SPDYA: variants seen among roughly 807,000 people sequenced by gnomAD.
The protein encoded by SPDYA is speedy protein A.
A neutral mutation model predicts 36.7 loss-of-function variants in SPDYA; 11 were observed. That is an observed-to-expected ratio of 0.30 (90% CI 0.19 to 0.50). The LOEUF (loss-of-function observed/expected upper bound fraction) is 0.50, where lower values mean the gene tolerates loss of function less well. SPDYA is among the 20% of genes least tolerant of loss of function. The pLI is 0.98. For missense variants in SPDYA, 287 were observed against 370.9 expected (o/e 0.77, Z 1.86); for synonymous variants, 115 against 118.7 (o/e 0.97, Z 0.20).
chr2:28,826,251 C>T (rs909654259), intron 5 of SPDYA, among the ~76,000 whole-genome samples: 1 of 152,150 alleles, frequency 6.6e-6, no homozygotes, highest in Non-Finnish European at 1.5e-5. Context: ...ATCCTTCCAC[C>T]TCAATCTCCC....
At chr2:28,845,238 AC>A (rs1174111542) in intron 7 of SPDYA, among the ~76,000 whole-genome samples, 1 of 144,112 alleles carries the variant, frequency 6.9e-6, no homozygotes, top group East Asian at 2.1e-4. Flanking sequence ...GGCACGTGCC[AC>A]CATGCCCAGC....
Position 28,822,324 on chromosome 2 carries a change from G to T in SPDYA, c.295-1G>T. Reference sequence around the variant, plus strand: ...TTAATTTTTAACTTTTTTCCTTATAGTATCTTTTGGCTATGACCTTTGTTT... The same window carrying T: ...TTAATTTTTAACTTTTTTCCTTATATTATCTTTTGGCTATGACCTTTGTTT... On this transcript the variant is annotated splice_acceptor_variant, in intron 4 of 7. Coordinates refer to ENST00000334056, the MANE Select transcript of SPDYA (RefSeq NM_182756.4). LOFTEE classifies it high-confidence loss of function. 6.8e-7 allele frequency: 1 copy of T among 1,480,334 alleles called. No homozygotes were observed. Among genetic ancestry groups the T allele is most frequent in the Non-Finnish European group, 9.1e-7 (1 of 1,093,634 alleles). The allele number at this position is 1,480,334 out of a possible 1,614,324, so 91.7% of individuals were successfully genotyped here. A position where few individuals can be genotyped will look rare whatever the true frequency, so the allele number is the denominator to read the frequency against.
intron 4 of SPDYA, among the ~76,000 whole-genome samples, chr2:28,819,604 C>T (rs907331801): frequency 2.0e-5 from 3 of 151,446 alleles, no homozygotes; most frequent in Non-Finnish European, 4.4e-5. Flanking sequence ...CTGGAATTAG[C>T]ATATAGCATA....
At chr2:28,838,178 A>ATTTTTTT (rs61135451) in intron 6 of SPDYA, among the ~76,000 whole-genome samples, 2 of 115,586 alleles carry the variant, frequency 1.7e-5, no homozygotes, top group Admixed American at 9.4e-5. Flanking sequence ...GAAGTAACGG[A>ATTTTTTT]TTTTTTTTTT....
chr2:28,834,806 A>G (rs1210445152), intron 6 of SPDYA, among the ~76,000 whole-genome samples: 1 of 152,200 alleles, frequency 6.6e-6, no homozygotes, highest in African/African-American at 2.4e-5. Context: ...AACTCTGAAT[A>G]TATTGAATAT....
chr2:28,850,521 C>T lies in SPDYA; in HGVS notation c.*580C>T. The stretch of plus-strand genomic sequence containing the variant: ...TGTAAGTTTTTTCTTTATTTATTTC[C>T]TTGCATATGTTTTAGAGCTACTCTG... On this transcript the variant is annotated 3_prime_UTR_variant, in exon 8 of 8. Coordinates refer to ENST00000334056, the MANE Select transcript of SPDYA (RefSeq NM_182756.4). The T allele has an allele frequency of 1.5e-6, 1 of 680,672 alleles. No individual in the cohort carries two copies. Among genetic ancestry groups the T allele is most frequent in the East Asian group, 2.8e-5 (1 of 35,672 alleles). The allele number at this position is 680,672 out of a possible 1,614,324, so 42.2% of individuals were successfully genotyped here.
intron 1 of SPDYA, among the ~76,000 whole-genome samples, chr2:28,813,340 T>C (rs1171044481): frequency 6.6e-6 from 1 of 152,206 alleles, no homozygotes; most frequent in Non-Finnish European, 1.5e-5. Context: ...ATGGTTGTTT[T>C]AATATAAAAG....
At chr2:28,820,861 AT>A (rs1668138909) in intron 4 of SPDYA, among the ~76,000 whole-genome samples, 1 of 152,176 alleles carries the variant, frequency 6.6e-6, no homozygotes, top group African/African-American at 2.4e-5. Flanking sequence ...GGTTTATAAA[AT>A]TTTTTAAATT....
intron 6 of SPDYA, among the ~76,000 whole-genome samples, chr2:28,833,888 C>T (rs142710399): frequency 8.5e-5 from 13 of 152,120 alleles, no homozygotes; most frequent in Admixed American, 7.9e-4. Flanking sequence ...AACCTTTTGT[C>T]CTTCAAAGGA....
intron 1 of SPDYA, among the ~76,000 whole-genome samples, chr2:28,813,493 A>G (rs751670853): frequency 6.6e-6 from 1 of 151,984 alleles, no homozygotes. Flanking sequence ...GTACTATACC[A>G]CTGATAACTC....
At position 28,829,140 on chromosome 2, in the gene SPDYA, T is replaced by C; in HGVS notation, c.381-8T>C. 1 of 1,604,790 alleles carries C rather than the reference T, an allele frequency of 6.2e-7. No homozygotes were observed. The highest frequency in any genetic ancestry group is 8.5e-7 in the Non-Finnish European group (1 of 1,176,862). On this transcript the variant is annotated splice_polypyrimidine_tract_variant and splice_region_variant and intron_variant, in intron 5 of 7. Coordinates refer to ENST00000334056, the MANE Select transcript of SPDYA (RefSeq NM_182756.4). ...ATTTCTTTTTTGGGTTGTGATCTTC[T>C]TTGTTAGGTATCTGGCTAATACAGT... is the stretch of plus-strand genomic sequence containing the variant.
intron 4 of SPDYA, among the ~76,000 whole-genome samples, chr2:28,820,884 A>G (rs1485297374): frequency 2.6e-5 from 4 of 152,158 alleles, no homozygotes; most frequent in Non-Finnish European, 4.4e-5. Flanking sequence ...CATTTTGGAA[A>G]ATTTAAAACA....
rs1363372818 is a variant in SPDYA, at chr2:28,845,404, T to C, written c.851-4446T>C. Among the ~76,000 whole-genome samples the C allele has an allele frequency of 2.6e-5, 4 of 151,952 alleles. No individual in the cohort carries two copies. In the South Asian group the frequency reaches 8.3e-4, roughly 32 times the overall value. ...AATCACTGCACCTGGCCCAAATGCA[T>C]TTTGACTTAATGATATCTTCAAGTT... is the stretch of plus-strand genomic sequence containing the variant. On this transcript the variant is annotated intron_variant, in intron 7 of 7. Coordinates refer to ENST00000334056, the MANE Select transcript of SPDYA (RefSeq NM_182756.4).
At chr2:28,849,494 G>A (rs1340220984) in intron 7 of SPDYA, among the ~76,000 whole-genome samples, 2 of 152,230 alleles carry the variant, frequency 1.3e-5, no homozygotes, top group Non-Finnish European at 2.9e-5. Context: ...GTTTTGCCAT[G>A]TTGGCCAGAC....
At chr2:28,823,306 C>A (rs1261570258) in intron 5 of SPDYA, among the ~76,000 whole-genome samples, 1 of 152,066 alleles carries the variant, frequency 6.6e-6, no homozygotes, top group East Asian at 1.9e-4. Flanking sequence ...GGTCAGAATA[C>A]ATTTGGAATT....
intron 2 of SPDYA, among the ~76,000 whole-genome samples, chr2:28,815,010 G>A (rs948597990): frequency 2.0e-5 from 3 of 152,130 alleles, no homozygotes; most frequent in Non-Finnish European, 4.4e-5. Context: ...GGCCAGGCAT[G>A]ATGGCTCAAG....
chr2:28,830,900 A>G (rs560878496), intron 6 of SPDYA, among the ~76,000 whole-genome samples: 3 of 152,336 alleles, frequency 2.0e-5, no homozygotes, highest in Admixed American at 1.3e-4. Flanking sequence ...TTAAATGGAA[A>G]GCAGTGGTCA....
intron 6 of SPDYA, among the ~76,000 whole-genome samples, chr2:28,833,701 A>C (rs1262166111): frequency 6.6e-6 from 1 of 152,208 alleles, no homozygotes; most frequent in Non-Finnish European, 1.5e-5. Context: ...GGTTTATACC[A>C]TATATAAAAA....
intron 6 of SPDYA, among the ~76,000 whole-genome samples, chr2:28,830,418 T>G (rs534417546): frequency 1.5e-4 from 23 of 152,096 alleles, no homozygotes; most frequent in African/African-American, 5.5e-4. Context: ...TTAGCCAGGA[T>G]AGTGTCAATC....
Sources: allele counts gnomAD v4.1 joint callset (sites outside exome capture counted in the v4.1 genomes callset), GRCh38; gene constraint gnomAD v4.1.1; transcripts MANE v1.5; gene names NCBI Gene and HGNC (gene_info 2026-07-23, HGNC 2026-07-21).